SLC16A7: variants seen among roughly 807,000 people sequenced by gnomAD.
The protein encoded by SLC16A7 is solute carrier family 16 member 7, also known as monocarboxylate transporter 2.
SLC16A7 carries 33 observed loss-of-function variants against 34.9 expected under a neutral mutation model. The ratio of observed to expected loss-of-function variants is 0.94; its 90% CI spans 0.72 to 1.26. The LOEUF (loss-of-function observed/expected upper bound fraction) is 1.26, where lower values mean the gene tolerates loss of function less well. Among genes scored for constraint, SLC16A7 ranks in the 50% most tolerant of loss-of-function variants. The probability of loss-of-function intolerance (pLI) is 0.00; values close to 1 mark genes in which losing one functional copy is unlikely to be tolerated. For synonymous variants in SLC16A7, 201 were observed against 206.6 expected, an observed-to-expected ratio of 0.97 and a Z score of 0.23; for missense variants, 573 against 578.1, an observed-to-expected ratio of 0.99 and a Z score of 0.09.
chr12:59,637,394 T>C (rs1880476987), intron 1 of SLC16A7, among the ~76,000 whole-genome samples: 2 of 152,054 alleles, frequency 1.3e-5, no homozygotes, highest in African/African-American at 4.8e-5. Context: ...GAGTGACTAG[T>C]TATTTTCACC....
At chr12:59,674,653 G>C (rs1352197126) in intron 2 of SLC16A7, among the ~76,000 whole-genome samples, 1 of 152,060 alleles carries the variant, frequency 6.6e-6, no homozygotes, top group South Asian at 2.1e-4. Context: ...GCTCTCTAAA[G>C]TAAGAGGTGC....
At chr12:59,754,320 C>T (rs1264999476) in intron 3 of SLC16A7, among the ~76,000 whole-genome samples, 33 of 151,884 alleles carry the variant, frequency 2.2e-4, no homozygotes, top group African/African-American at 6.8e-4. Flanking sequence ...ATCCAGGAGC[C>T]GGTTTTTTGA....
At chr12:59,773,635 G>A (rs1882450459) in intron 4 of SLC16A7, among the ~76,000 whole-genome samples, 1 of 149,874 alleles carries the variant, frequency 6.7e-6, no homozygotes, top group African/African-American at 2.5e-5. Context: ...CATGATCTCG[G>A]CTCACTGCAA....
intron 2 of SLC16A7, among the ~76,000 whole-genome samples, chr12:59,697,427 G>GA (rs1872430390): frequency 6.6e-6 from 1 of 151,976 alleles, no homozygotes; most frequent in Non-Finnish European, 1.5e-5. Flanking sequence ...GTTTGAGATA[G>GA]AAAAATGGGA....
At chr12:59,711,584 C>T (rs1013090382) in intron 3 of SLC16A7, among the ~76,000 whole-genome samples, 12 of 152,164 alleles carry the variant, frequency 7.9e-5, no homozygotes, top group Non-Finnish European at 1.2e-4. Flanking sequence ...GTGGTGTGAT[C>T]ATGGCTCACT....
intron 5 of SLC16A7, among the ~76,000 whole-genome samples, chr12:59,779,152 A>G (rs1211086663): frequency 7.1e-6 from 1 of 141,368 alleles, no homozygotes; most frequent in Non-Finnish European, 1.5e-5. Context: ...ATATACACAC[A>G]AAAAATGCCT....
At chr12:59,657,317 A>G (rs916920374) in intron 2 of SLC16A7, among the ~76,000 whole-genome samples, 2 of 151,956 alleles carry the variant, frequency 1.3e-5, no homozygotes, top group Non-Finnish European at 2.9e-5. Flanking sequence ...TCATATGTAG[A>G]TGAAGCAATT....
chr12:59,719,462 G>GA (rs1381246954), intron 3 of SLC16A7, among the ~76,000 whole-genome samples: 1 of 151,894 alleles, frequency 6.6e-6, no homozygotes, highest in Non-Finnish European at 1.5e-5. Flanking sequence ...TAACATAAGG[G>GA]AAAAATATAC....
chr12:59,704,700 TTAGTGAC>T (rs1873356423), intron 2 of SLC16A7, 65 bp from the exon 3 acceptor site: 1 of 726,272 alleles, frequency 1.4e-6, no homozygotes, highest in African/African-American at 1.8e-5. Context: ...AAGTACTATT[TTAGTGAC>T]TATGAAGAGT....
rs1883248724 is a variant in SLC16A7 at position 59,781,597 on chromosome 12, C to A, written c.*1918C>A. On this transcript the variant is annotated 3_prime_UTR_variant, in exon 6 of 6. Coordinates refer to ENST00000547379, the MANE Select transcript of SLC16A7 (RefSeq NM_001270623.2). ...TAAGTAAAACAAGATGTGCCAATAT[C>A]ATAGGTAAATAAATTAGGGAAAATG... is the stretch of plus-strand genomic sequence containing the variant. 1 of 152,516 alleles carries A rather than the reference C, an allele frequency of 6.6e-6. No homozygotes were observed. The highest frequency in any genetic ancestry group is 2.4e-5 in the African/African-American group (1 of 41,442). The allele number at this position is 152,516 out of a possible 1,614,324, so 9.4% of individuals were successfully genotyped here. A position where few individuals can be genotyped will look rare whatever the true frequency, so the allele number is the denominator to read the frequency against.
chr12:59,731,375 C>T (rs1156539511), intron 3 of SLC16A7, among the ~76,000 whole-genome samples: 1 of 152,066 alleles, frequency 6.6e-6, no homozygotes, highest in African/African-American at 2.4e-5. Context: ...TCATCATTTT[C>T]CAAATTATAG....
intron 1 of SLC16A7, among the ~76,000 whole-genome samples, chr12:59,625,989 G>A (rs1439037473): frequency 6.6e-6 from 1 of 151,714 alleles, no homozygotes; most frequent in Admixed American, 6.6e-5. Flanking sequence ...TATATTGTGT[G>A]TAACATCTAA....
intron 3 of SLC16A7, among the ~76,000 whole-genome samples, chr12:59,707,248 C>T (rs1010123487): frequency 5.3e-5 from 8 of 152,034 alleles, no homozygotes; most frequent in Non-Finnish European, 1.2e-4. Context: ...ACAGCCTTCC[C>T]AAAGGAAGAA....
Position 59,775,446 on chromosome 12 carries a change from G to A in SLC16A7, c.1151G>A (p.Gly384Asp). The part of the protein sequence containing the change: ...AVGLVTIVEC[G>D]PVLLGPPLAG... ...GGACTTGTCACAATTGTGGAGTGTG[G>A]CCCAGTTCTTCTTGGCCCTCCTCTT... The change falls in exon 5 of 6, where the codon GGC becomes GAC. Residue 384 changes from glycine to aspartate, a missense_variant. Coordinates refer to ENST00000547379, the MANE Select transcript of SLC16A7 (RefSeq NM_001270623.2). The A allele has an allele frequency of 6.2e-7, 1 of 1,613,768 alleles. No homozygotes were observed. Among genetic ancestry groups the A allele is most frequent in the Non-Finnish European group, 8.5e-7 (1 of 1,179,754 alleles).
chr12:59,613,769 A>T (rs1592390979), intron 1 of SLC16A7, among the ~76,000 whole-genome samples: 1 of 152,186 alleles, frequency 6.6e-6, no homozygotes, highest in Non-Finnish European at 1.5e-5. Flanking sequence ...AGCATGGAAC[A>T]TCTGTGTTTT....
intron 3 of SLC16A7, chr12:59,769,293 T>C (rs1285677356): frequency 1.3e-5 from 2 of 152,212 alleles, no homozygotes; most frequent in African/African-American, 4.8e-5. Context: ...ATATTCACTT[T>C]ATCAAGGTTC....
intron 3 of SLC16A7, among the ~76,000 whole-genome samples, chr12:59,721,122 A>C (rs1246958894): frequency 6.6e-6 from 1 of 151,974 alleles, no homozygotes; most frequent in Admixed American, 6.6e-5. Flanking sequence ...ATTTTATATT[A>C]TATTACTCTA....
chr12:59,599,521 C>G (rs1406551694), intron 1 of SLC16A7, among the ~76,000 whole-genome samples: 1 of 152,152 alleles, frequency 6.6e-6, no homozygotes, highest in Non-Finnish European at 1.5e-5. Flanking sequence ...ATTAAAAGGG[C>G]AGACCATAAT....
intron 1 of SLC16A7, among the ~76,000 whole-genome samples, chr12:59,608,791 A>G (rs1265896543): frequency 1.3e-5 from 2 of 152,150 alleles, no homozygotes; most frequent in East Asian, 1.9e-4. Flanking sequence ...TTGTTACTCT[A>G]CCTCATTAAG....
Sources: gnomAD v4.1 joint callset for allele counts (sites outside exome capture counted in the v4.1 genomes callset) on GRCh38, gnomAD v4.1.1 for gene constraint, MANE v1.5 for transcripts, NCBI Gene and HGNC (gene_info 2026-07-23, HGNC 2026-07-21) for gene names.